RAPGEF2: variants seen among roughly 807,000 people sequenced by gnomAD.
The protein encoded by RAPGEF2 is PDZ domain containing guanine nucleotide exchange factor (GEF) 1.
A neutral mutation model predicts 186.7 loss-of-function variants in RAPGEF2; 54 were observed. The observed-to-expected ratio is 0.29, with a 90% CI of 0.23 to 0.36. The LOEUF is 0.36. Ranked by LOEUF, RAPGEF2 falls within the 10% of genes least tolerant of loss-of-function variation. The probability of loss-of-function intolerance (pLI) is 1.00; values close to 1 mark genes in which losing one functional copy is unlikely to be tolerated. For synonymous variants in RAPGEF2, 712 were observed against 705.9 expected (o/e 1.01, Z -0.14); for missense variants, 1,532 against 2,045.0 (o/e 0.75, Z 4.84).
intron 7 of RAPGEF2, among the ~76,000 whole-genome samples, chr4:159,296,000 T>G: frequency 6.6e-6 from 1 of 152,150 alleles, no homozygotes; most frequent in African/African-American, 2.4e-5. Context: ...TGTTTATAAT[T>G]CACATGATGG....
intron 9 of RAPGEF2, among the ~76,000 whole-genome samples, chr4:159,321,134 C>T (rs936457010): frequency 4.0e-5 from 6 of 151,842 alleles, no homozygotes; most frequent in African/African-American, 1.5e-4. Context: ...ACACCCTGTG[C>T]TCTTTACCAC....
chr4:159,199,484 A>G (rs934771108), intron 3 of RAPGEF2, among the ~76,000 whole-genome samples: 6 of 151,192 alleles, frequency 4.0e-5, no homozygotes, highest in African/African-American at 1.2e-4. Context: ...TTTTTTTTCA[A>G]TTCTCTATTC....
intron 4 of RAPGEF2, among the ~76,000 whole-genome samples, chr4:159,216,282 G>T (rs1283836416): frequency 6.6e-6 from 1 of 152,142 alleles, no homozygotes; most frequent in African/African-American, 2.4e-5. Context: ...AAAATTCCCT[G>T]AGTGTCATTG....
At chr4:159,204,978 A>G (rs1396814737) in intron 3 of RAPGEF2, among the ~76,000 whole-genome samples, 3 of 152,200 alleles carry the variant, frequency 2.0e-5, no homozygotes, top group Non-Finnish European at 4.4e-5. Flanking sequence ...CATTTCAGCA[A>G]CACTTGAAGG....
intron 1 of RAPGEF2, among the ~76,000 whole-genome samples, chr4:159,105,295 T>C (rs1737756155): frequency 6.6e-6 from 1 of 152,210 alleles, no homozygotes; most frequent in Non-Finnish European, 1.5e-5. Flanking sequence ...GATCTAATGC[T>C]TGAAAGTGTT....
At chr4:159,293,314 A>G (rs936534507) in intron 7 of RAPGEF2, among the ~76,000 whole-genome samples, 7 of 152,316 alleles carry the variant, frequency 4.6e-5, no homozygotes, top group Non-Finnish European at 8.8e-5. Flanking sequence ...ACTTATCACA[A>G]CTTGACAGTT....
At chr4:159,193,888 A>G (rs571032141) in intron 3 of RAPGEF2, among the ~76,000 whole-genome samples, 42 of 152,226 alleles carry the variant, frequency 2.8e-4, no homozygotes, top group Non-Finnish European at 4.6e-4. Flanking sequence ...TCTACCTTCT[A>G]GACTTATTAT....
chr4:159,329,841 CTT>C lies in RAPGEF2; in HGVS notation c.1150-16_1150-15del. 1 of 1,601,812 alleles carries C rather than the reference CTT, an allele frequency of 6.2e-7. No homozygotes were observed. Among genetic ancestry groups the C allele is most frequent in the South Asian group, 1.1e-5 (1 of 89,548 alleles). ...CAAGCACTTTATCATTAACATGTGA[CTT>C]ATGTTTTATTCCAGTTTGTCTGCAT... is the stretch of plus-strand genomic sequence containing the variant. On this transcript the variant is annotated splice_polypyrimidine_tract_variant and intron_variant, in intron 11 of 29. Coordinates refer to ENST00000691494, the MANE Select transcript of RAPGEF2 (RefSeq NM_001394067.2).
intron 8 of RAPGEF2, 31 bp downstream of exon 8, chr4:159,304,504 C>T (rs1763049099): frequency 6.4e-7 from 1 of 1,567,452 alleles, no homozygotes; most frequent in Non-Finnish European, 8.7e-7. Flanking sequence ...TCATTTGCTT[C>T]ATTTTCATTT....
rs1375012855 is a variant in RAPGEF2 at position 159,193,277 on chromosome 4, T to A, written c.197+21T>A. 2.1e-6 allele frequency: 3 copies of A among 1,437,216 alleles called. No homozygotes were observed. In the African/African-American group the frequency reaches 4.3e-5, roughly 21 times the overall value. The allele number at this position is 1,437,216 out of a possible 1,614,324, so 89.0% of individuals were successfully genotyped here. A position where few individuals can be genotyped will look rare whatever the true frequency, so the allele number is the denominator to read the frequency against. On this transcript the variant is annotated intron_variant, in intron 3 of 29. Transcript: ENST00000691494. ...TACTAGTAGGTGTTTCCTTTTTGTT[T>A]GTACAATGTATCTAATCCAGTGACT...
chr4:159,271,566 A>T (rs893308104), intron 7 of RAPGEF2, among the ~76,000 whole-genome samples: 2 of 152,132 alleles, frequency 1.3e-5, no homozygotes, highest in Non-Finnish European at 2.9e-5. Context: ...TTTTTCAGGG[A>T]CATATTACTA....
intron 4 of RAPGEF2, among the ~76,000 whole-genome samples, chr4:159,222,847 G>A (rs1046500518): frequency 4.0e-5 from 6 of 151,858 alleles, no homozygotes; most frequent in African/African-American, 1.5e-4. Context: ...CTGGGAAATT[G>A]GAATGTCATT....
At chr4:159,124,565 T>C (rs2111107072) in intron 1 of RAPGEF2, among the ~76,000 whole-genome samples, 1 of 152,176 alleles carries the variant, frequency 6.6e-6, no homozygotes, top group East Asian at 1.9e-4. Flanking sequence ...TAATAAGTCT[T>C]CTGTAATTAC....
intron 1 of RAPGEF2, among the ~76,000 whole-genome samples, chr4:159,141,032 C>G (rs776272052): frequency 2.0e-5 from 3 of 151,922 alleles, no homozygotes; most frequent in Non-Finnish European, 4.4e-5. Context: ...GGGTTGAGTT[C>G]AAGTGATCCA....
intron 1 of RAPGEF2, among the ~76,000 whole-genome samples, chr4:159,152,942 C>A (rs1315156908): frequency 6.6e-6 from 1 of 152,124 alleles, no homozygotes; most frequent in East Asian, 1.9e-4. Flanking sequence ...TAAAAGTGTT[C>A]TTAGCTGAAA....
At chr4:159,345,752 C>T (rs1209798882) in intron 24 of RAPGEF2, among the ~76,000 whole-genome samples, 7 of 152,054 alleles carry the variant, frequency 4.6e-5, no homozygotes, top group South Asian at 2.1e-4. Context: ...CAGACAACAC[C>T]GAACAACAAA....
chr4:159,332,057 A>G lies in RAPGEF2; in HGVS notation c.1888+23A>G, dbSNP rs748844054. Reference sequence around the variant, plus strand: ...TTGGTAAGTATTTTGCATACTTTTCATTTTTCTCCTTTTGGCCTTGTTTTT... The same window carrying G: ...TTGGTAAGTATTTTGCATACTTTTCGTTTTTCTCCTTTTGGCCTTGTTTTT... On this transcript the variant is annotated intron_variant, in intron 16 of 29. Coordinates refer to ENST00000691494, the MANE Select transcript of RAPGEF2 (RefSeq NM_001394067.2). The G allele has an allele frequency of 1.3e-5, 20 of 1,482,690 alleles. No individual in the cohort carries two copies. The East Asian group carries it at 2.0e-4, about 15-fold the overall frequency. The allele number at this position is 1,482,690 out of a possible 1,614,324, so 91.8% of individuals were successfully genotyped here.
chr4:159,152,111 C>G (rs1442622820), intron 1 of RAPGEF2, among the ~76,000 whole-genome samples: 3 of 152,170 alleles, frequency 2.0e-5, no homozygotes, highest in Admixed American at 2.0e-4. Context: ...TGCTTGAGCT[C>G]AGGAGTTCGA....
At chr4:159,240,293 T>C (rs1753806008) in intron 5 of RAPGEF2, among the ~76,000 whole-genome samples, 1 of 151,382 alleles carries the variant, frequency 6.6e-6, no homozygotes, top group Non-Finnish European at 1.5e-5. Context: ...AATAACCTAA[T>C]GTAACTTTTA....
Sources: allele counts gnomAD v4.1 joint callset (sites outside exome capture counted in the v4.1 genomes callset), GRCh38; gene constraint gnomAD v4.1.1; transcripts MANE v1.5; gene names NCBI Gene and HGNC (gene_info 2026-07-23, HGNC 2026-07-21).